Variants in PARD6G observed in about 807,000 individuals in gnomAD.
PARD6G encodes the protein partitioning defective 6 homolog gamma.
Under a neutral mutation model 10.7 loss-of-function variants are expected in PARD6G, and 7 were observed. That is an observed-to-expected ratio of 0.66 (90% CI 0.37 to 1.23). The LOEUF is 1.23. Among genes scored for constraint, PARD6G ranks in the 50% most tolerant of loss-of-function variants. The probability of loss-of-function intolerance (pLI) is 0.02; values close to 1 mark genes in which losing one functional copy is unlikely to be tolerated. For synonymous variants in PARD6G, 287 were observed against 269.4 expected (o/e 1.07, Z -0.64); for missense variants, 548 against 571.8 (o/e 0.96, Z 0.42).
intron 1 of PARD6G, among the ~76,000 whole-genome samples, chr18:80,237,231 A>T (rs1406574267): frequency 1.3e-5 from 2 of 152,196 alleles, no homozygotes; most frequent in Non-Finnish European, 2.9e-5. Flanking sequence ...GACAAACCTG[A>T]CAAAAACAAG....
intron 1 of PARD6G, among the ~76,000 whole-genome samples, chr18:80,225,306 G>C (rs190341842): frequency 6.6e-6 from 1 of 152,184 alleles, no homozygotes; most frequent in African/African-American, 2.4e-5. Flanking sequence ...CTGGACCCAC[G>C]TGCTGTTCTT....
Position 80,160,265 on chromosome 18 carries a change from T to C in PARD6G, c.637A>G (p.Asn213Asp). ...LAESTGLLAV[N>D]DEVLEVNGIE... ...CCGTTCACCTCCAGGACCTCGTCATTCACAGCCAGCAGCCCGGTGCTCTCC... is the reference window on the plus strand; with the variant it reads ...CCGTTCACCTCCAGGACCTCGTCATCCACAGCCAGCAGCCCGGTGCTCTCC... Residue 213 changes from asparagine (N) to aspartate (D), a missense_variant, in exon 3 of 3, where the codon AAT becomes GAT. Transcript: ENST00000353265. 1 of 1,612,424 alleles carries C rather than the reference T, an allele frequency of 6.2e-7. No individual in the cohort carries two copies.
chr18:80,182,862 G>A lies in PARD6G; in HGVS notation c.295+19848C>T, dbSNP rs2052854978. 6.5e-6 allele frequency: 3 copies of A among 464,224 alleles called. No homozygotes were observed. The highest frequency in any genetic ancestry group is 1.1e-5 in the Non-Finnish European group (3 of 262,664). 28.8% of individuals were successfully genotyped at this position (464,224 alleles called of 1,614,324 possible). A position where few individuals can be genotyped will look rare whatever the true frequency, so the allele number is the denominator to read the frequency against. On this transcript the variant is annotated intron_variant, in intron 2 of 2. Transcript: ENST00000353265. The surrounding 1 kb of genome is among the most constrained non-coding windows in gnomAD (Gnocchi z 4.5). Reference sequence around the variant, plus strand: ...TTCCCAGAGAACTTTTAAATCTGATGTTATAGTTTTATTTCTTAGTTCTAG... The same window carrying A: ...TTCCCAGAGAACTTTTAAATCTGATATTATAGTTTTATTTCTTAGTTCTAG...
intron 1 of PARD6G, among the ~76,000 whole-genome samples, chr18:80,206,063 C>A (rs1967050890): frequency 6.6e-6 from 1 of 152,218 alleles, no homozygotes; most frequent in Non-Finnish European, 1.5e-5. Context: ...TATTTAGCAA[C>A]TAACCTAAAA....
intron 1 of PARD6G, among the ~76,000 whole-genome samples, chr18:80,237,220 T>C (rs1353590275): frequency 6.6e-6 from 1 of 152,168 alleles, no homozygotes; most frequent in African/African-American, 2.4e-5. Context: ...ATCTGATCTT[T>C]GACAAACCTG....
At position 80,160,074 on chromosome 18, in the gene PARD6G, G is replaced by A. The variant is rs765929121; in HGVS notation, c.828C>T (p.Phe276=). The A allele has an allele frequency of 3.2e-6, 5 of 1,575,284 alleles. No homozygotes were observed. The highest frequency in any genetic ancestry group is 2.7e-5 in the African/African-American group (2 of 74,324). ...SGPPSDGTAG[F]VGPPAPRVLQ... is the part of the protein sequence containing the mutation. ...GGACGCGCGGGGCGGGGGGACCCAC[G>A]AAGCCCGCGGTGCCGTCCGAGGGCG... Residue 276 remains phenylalanine, a synonymous_variant, in exon 3 of 3, where the codon TTC becomes TTT. Coordinates refer to ENST00000353265, the MANE Select transcript of PARD6G (RefSeq NM_032510.4).
intron 1 of PARD6G, among the ~76,000 whole-genome samples, chr18:80,214,224 G>A (rs539507624): frequency 1.3e-5 from 2 of 152,224 alleles, no homozygotes; most frequent in East Asian, 1.9e-4. Context: ...TTGGGAGGCC[G>A]AGGCGAGTGG....
rs760929917 is a variant in PARD6G at position 80,228,787 on chromosome 18, A to C, written c.72+18490T>G. 6.6e-6 allele frequency among the ~76,000 whole-genome samples: 1 copy of C among 152,220 alleles called. No individual in the cohort carries two copies. The highest frequency in any genetic ancestry group is 2.4e-5 in the African/African-American group (1 of 41,448). On this transcript the variant is annotated intron_variant, in intron 1 of 2. Coordinates refer to ENST00000353265, the MANE Select transcript of PARD6G (RefSeq NM_032510.4). This position sits in a 1 kb window ranked among gnomAD's most constrained non-coding sequence, Gnocchi z 4.6. ...CCACCCCAGGCCTACAGGTGAGAAC[A>C]GTGAACAACTGCAGGTGATCAGAAA...
chr18:80,160,227 G>C lies in PARD6G; in HGVS notation c.675C>G (p.Ala225=). The part of the protein sequence containing the change: ...EVLEVNGIEV[A]GKTLDQVTDM... ...CCGTGACCTGGTCCAGCGTCTTCCCGGCCACCTCAATGCCGTTCACCTCCA... is the reference window on the plus strand; with the variant it reads ...CCGTGACCTGGTCCAGCGTCTTCCCCGCCACCTCAATGCCGTTCACCTCCA... The change falls in exon 3 of 3, where the codon GCC becomes GCG. Residue 225 remains alanine, a synonymous_variant. Transcript: ENST00000353265. 6.2e-7 allele frequency: 1 copy of C among 1,613,048 alleles called. No individual in the cohort carries two copies. The highest frequency in any genetic ancestry group is 1.1e-5 in the South Asian group (1 of 91,080).
At chr18:80,215,380 G>C (rs1967153287) in intron 1 of PARD6G, among the ~76,000 whole-genome samples, 1 of 152,110 alleles carries the variant, frequency 6.6e-6, no homozygotes, top group South Asian at 2.1e-4. Context: ...ATTTTTGTTT[G>C]CTTGTAACTC....
chr18:80,163,694 C>T (rs1201982534), intron 2 of PARD6G, among the ~76,000 whole-genome samples: 1 of 152,220 alleles, frequency 6.6e-6, no homozygotes, highest in East Asian at 1.9e-4. Flanking sequence ...CTGTAGGATA[C>T]AGAGAAGGGC....
chr18:80,186,777 A>C (rs988028589), intron 2 of PARD6G, among the ~76,000 whole-genome samples: 13 of 152,184 alleles, frequency 8.5e-5, no homozygotes, highest in Non-Finnish European at 1.3e-4. Context: ...CTCCCTGCTA[A>C]TCAGTATCTT....
intron 1 of PARD6G, among the ~76,000 whole-genome samples, chr18:80,224,355 T>C (rs1285370809): frequency 6.6e-6 from 1 of 152,198 alleles, no homozygotes; most frequent in African/African-American, 2.4e-5. Flanking sequence ...GAAAGTCTTT[T>C]TCTGTCTAAA....
chr18:80,236,837 A>G (rs569269154), intron 1 of PARD6G, among the ~76,000 whole-genome samples: 1 of 152,316 alleles, frequency 6.6e-6, no homozygotes, highest in Non-Finnish European at 1.5e-5. Flanking sequence ...CCACTGCTCA[A>G]TGAAATAAAA....
chr18:80,186,165 C>T (rs527638774), intron 2 of PARD6G, among the ~76,000 whole-genome samples: 46 of 145,906 alleles, frequency 3.2e-4, no homozygotes, highest in South Asian at 1.6e-3. Context: ...CACACCCTCA[C>T]GCACGCATGC....
At chr18:80,227,859 T>C (rs1879101) in intron 1 of PARD6G, among the ~76,000 whole-genome samples, 116,291 of 140,674 alleles carry the variant, frequency 0.83, 48,183 homozygotes, top group Non-Finnish European at 0.86. Context: ...CACCAGGGCT[T>C]CAGACCATTC....
At chr18:80,193,605 A>G (rs1342493040) in intron 2 of PARD6G, among the ~76,000 whole-genome samples, 1 of 152,216 alleles carries the variant, frequency 6.6e-6, no homozygotes, top group African/African-American at 2.4e-5. Flanking sequence ...TAATGCCCCT[A>G]AACTATATAC....
intron 1 of PARD6G, among the ~76,000 whole-genome samples, chr18:80,218,959 G>T (rs1029394702): frequency 6.6e-6 from 1 of 152,218 alleles, no homozygotes; most frequent in East Asian, 1.9e-4. Context: ...TTTTAGCCGC[G>T]GCTGGAGTGG....
intron 2 of PARD6G, chr18:80,178,442 A>T (rs1057310284): frequency 2.6e-5 from 4 of 152,440 alleles, no homozygotes; most frequent in Non-Finnish European, 5.9e-5. Context: ...AGAAAGGGAG[A>T]ATCCTCCAGC....
Sources: gnomAD v4.1 joint callset for allele counts (sites outside exome capture counted in the v4.1 genomes callset) on GRCh38, gnomAD v4.1.1 for gene constraint, Gnocchi (gnomAD v3.1) non-coding constraint, MANE v1.5 for transcripts, NCBI Gene and HGNC (gene_info 2026-07-23, HGNC 2026-07-21) for gene names.